ARPP19: variants seen among roughly 807,000 people sequenced by gnomAD.
ARPP19 encodes the protein cAMP regulated phosphoprotein 19, also known as cAMP-regulated phosphoprotein 19.
In ARPP19, 8 loss-of-function variants were observed where a neutral mutation model predicts 12.0. The ratio of observed to expected loss-of-function variants is 0.67; its 90% CI spans 0.39 to 1.21. The LOEUF (loss-of-function observed/expected upper bound fraction) is 1.21, where lower values mean the gene tolerates loss of function less well. Ranked by LOEUF, ARPP19 falls within the 50% of genes most tolerant of loss-of-function variation. The pLI, the probability that ARPP19 is intolerant of heterozygous loss-of-function variation, is 0.01. For missense variants in ARPP19, 102 were observed against 136.3 expected (o/e 0.75, Z 1.25); for synonymous variants, 47 against 50.4 (o/e 0.93, Z 0.29).
intron 1 of ARPP19, among the ~76,000 whole-genome samples, chr15:52,560,536 T>A (rs1445376192): frequency 1.3e-5 from 2 of 152,152 alleles, no homozygotes; most frequent in African/African-American, 4.8e-5. Context: ...AGAATTTCAG[T>A]TGGATTTAAC....
chr15:52,561,974 TC>T (rs1340355277), intron 1 of ARPP19, among the ~76,000 whole-genome samples: 1 of 149,810 alleles, frequency 6.7e-6, no homozygotes, highest in East Asian at 2.0e-4. Flanking sequence ...TACATGGTCT[TC>T]CTATGTTGCC....
rs1468890232 is a variant in ARPP19 at position 52,568,955 on chromosome 15, C to A, written c.-63G>T. On this transcript the variant is annotated 5_prime_UTR_variant, in exon 1 of 3. Transcript: ENST00000249822. ...CAATTAGCGGGTGGCCGAGGCCACC[C>A]GGCCGCCGCCCGTCCCAGCTCTCCC... 2.5e-6 allele frequency: 3 copies of A among 1,192,400 alleles called. No individual in the cohort carries two copies. The highest frequency in any genetic ancestry group is 2.8e-5 in the East Asian group (1 of 35,704). 73.9% of individuals were successfully genotyped at this position (1,192,400 alleles called of 1,614,324 possible). A position where few individuals can be genotyped will look rare whatever the true frequency, so the allele number is the denominator to read the frequency against.
chr15:52,567,874 T>G (rs1227063348), intron 1 of ARPP19, among the ~76,000 whole-genome samples: 1 of 152,034 alleles, frequency 6.6e-6, no homozygotes, highest in Admixed American at 6.5e-5. Flanking sequence ...GGTCAAGCAG[T>G]AGACCAAAAT....
chr15:52,564,860 A>G (rs2078067072), intron 1 of ARPP19, among the ~76,000 whole-genome samples: 1 of 152,140 alleles, frequency 6.6e-6, no homozygotes, highest in Admixed American at 6.5e-5. Flanking sequence ...TGGTACTAGC[A>G]TTGTCATTTG....
At chr15:52,563,678 G>A (rs1332010937) in intron 1 of ARPP19, among the ~76,000 whole-genome samples, 2 of 152,090 alleles carry the variant, frequency 1.3e-5, no homozygotes, top group South Asian at 2.1e-4. Context: ...TTCAGCCTTC[G>A]GCAGAGGAGG....
At position 52,552,108 on chromosome 15, in the gene ARPP19, T is replaced by A; in HGVS notation, c.169-4A>T. 1.2e-6 allele frequency: 2 copies of A among 1,603,418 alleles called. No individual in the cohort carries two copies. The highest frequency in any genetic ancestry group is 1.1e-5 in the South Asian group (1 of 90,818). On this transcript the variant is annotated splice_polypyrimidine_tract_variant and splice_region_variant and intron_variant, in intron 2 of 2. Coordinates refer to ENST00000249822, the MANE Select transcript of ARPP19 (RefSeq NM_006628.6). ...CCCCAGAATCAAAATATTTTTGCTA[T>A]AAGTAAAAACAAAAAAAATTCAGAT...
intron 1 of ARPP19, 27 bp downstream of exon 1, chr15:52,568,821 C>T (rs2078112391): frequency 1.3e-6 from 2 of 1,551,810 alleles, no homozygotes; most frequent in South Asian, 1.2e-5. Context: ...TTGGGCAGGG[C>T]CCAGGGCTCA....
intron 2 of ARPP19, among the ~76,000 whole-genome samples, chr15:52,552,894 T>C (rs1449911974): frequency 3.3e-5 from 5 of 152,104 alleles, no homozygotes; most frequent in African/African-American, 7.2e-5. Context: ...ACGGCCAATA[T>C]GGTGAAACCC....
chr15:52,558,482 AAAAG>A (rs1555393232), intron 1 of ARPP19, among the ~76,000 whole-genome samples: 12 of 148,976 alleles, frequency 8.1e-5, no homozygotes, highest in East Asian at 1.9e-4. Flanking sequence ...AAAAAAAAAA[AAAAG>A]AAAGAAAAAG....
chr15:52,565,106 G>A (rs1397897478), intron 1 of ARPP19, among the ~76,000 whole-genome samples: 2 of 150,310 alleles, frequency 1.3e-5, no homozygotes, highest in African/African-American at 2.5e-5. Context: ...AGCTCACTGT[G>A]GTGCCATCAA....
intron 1 of ARPP19, among the ~76,000 whole-genome samples, chr15:52,567,956 C>T (rs531506782): frequency 2.6e-5 from 4 of 152,156 alleles, no homozygotes; most frequent in Non-Finnish European, 4.4e-5. Flanking sequence ...CAAGATACCT[C>T]GGCCCTTTCT....
chr15:52,556,970 C>A, intron 2 of ARPP19, 130 bp downstream of exon 2: 1 of 911,146 alleles, frequency 1.1e-6, no homozygotes, highest in South Asian at 2.2e-5. Context: ...AAACCCATTA[C>A]AGATACATAT....
At chr15:52,561,934 CTTTTTTTTTTTT>C (rs11340086) in intron 1 of ARPP19, among the ~76,000 whole-genome samples, 1 of 126,980 alleles carries the variant, frequency 7.9e-6, no homozygotes, top group Non-Finnish European at 1.6e-5. Flanking sequence ...AGTGCACCTA[CTTTTTTTTTTTT>C]TTTTTTTTTT....
intron 1 of ARPP19, chr15:52,557,752 T>C (rs2077994575): frequency 6.6e-6 from 1 of 151,966 alleles, no homozygotes; most frequent in Non-Finnish European, 1.5e-5. Flanking sequence ...ATTTTTATTA[T>C]TTTAAATAAT....
At chr15:52,564,639 T>C (rs929326037) in intron 1 of ARPP19, among the ~76,000 whole-genome samples, 3 of 152,218 alleles carry the variant, frequency 2.0e-5, no homozygotes, top group Non-Finnish European at 4.4e-5. Flanking sequence ...AATAATTTCA[T>C]TGACAGCTTT....
At chr15:52,565,038 CTTTTTTTTTT>C (rs543075410) in intron 1 of ARPP19, among the ~76,000 whole-genome samples, 3 of 137,198 alleles carry the variant, frequency 2.2e-5, no homozygotes, top group Non-Finnish European at 4.8e-5. Flanking sequence ...AAATTACCAT[CTTTTTTTTTT>C]TTTTTTTTGA....
intron 2 of ARPP19, 143 bp downstream of exon 2, chr15:52,556,957 G>T: frequency 1.2e-6 from 1 of 810,296 alleles, no homozygotes; most frequent in Non-Finnish European, 1.9e-6. Flanking sequence ...CAAAATATTG[G>T]AAAAACCCAT....
rs1357261405 is a variant in ARPP19, at chr15:52,549,174, TCAA to T, written c.*2757_*2759del. The T allele has an allele frequency of 1.3e-5, 2 of 152,338 alleles. No individual in the cohort carries two copies. The highest frequency in any genetic ancestry group is 2.1e-4 in the South Asian group (1 of 4,828). The allele number at this position is 152,338 out of a possible 1,614,324, so 9.4% of individuals were successfully genotyped here. ...GACTTTAGTTTTCATGAAGTATTTA[TCAA>T]CAACTTCAATTTATTCCAACATTAA... is the stretch of plus-strand genomic sequence containing the variant. On this transcript the variant is annotated 3_prime_UTR_variant, in exon 3 of 3. Transcript: ENST00000249822.
In ARPP19 at chr15:52,568,900, C is replaced by T. The variant is rs752063136; in HGVS notation, c.-8G>A. On this transcript the variant is annotated 5_prime_UTR_variant, in exon 1 of 3. Coordinates refer to ENST00000249822, the MANE Select transcript of ARPP19 (RefSeq NM_006628.6). The stretch of plus-strand genomic sequence containing the variant: ...GGGGACTTCCGCAGACATAGTGCTC[C>T]CTCTGCAGACGAGACGCCGGGAAAA... The T allele has an allele frequency of 6.4e-7, 1 of 1,572,702 alleles. No individual in the cohort carries two copies. Among genetic ancestry groups the T allele is most frequent in the East Asian group, 2.5e-5 (1 of 39,646 alleles).
Sources: allele counts gnomAD v4.1 joint callset (sites outside exome capture counted in the v4.1 genomes callset), GRCh38; gene constraint gnomAD v4.1.1; transcripts MANE v1.5; gene names NCBI Gene and HGNC (gene_info 2026-07-23, HGNC 2026-07-21).